The following SIGLEC1 variants were observed in gnomAD, a reference collection of about 807,000 sequenced individuals.
SIGLEC1 encodes the protein sialic acid binding Ig like lectin 1, also known as sialoadhesin.
A neutral mutation model predicts 148.0 loss-of-function variants in SIGLEC1; 132 were observed. The ratio of observed to expected loss-of-function variants is 0.89; its 90% confidence interval spans 0.77 to 1.03. SIGLEC1 has a LOEUF of 1.03. SIGLEC1 is among the 50% of genes least tolerant of loss of function. SIGLEC1 has a pLI of 0.00. For synonymous variants in SIGLEC1, 945 were observed against 969.0 expected, an observed-to-expected ratio of 0.98 and a Z score of 0.46; for missense variants, 2,253 against 2,271.4, an observed-to-expected ratio of 0.99 and a Z score of 0.16.
rs746020111 is a variant in SIGLEC1, at chr20:3,704,048, C to T, written c.750G>A (p.Arg250=). The T allele has an allele frequency of 1.2e-6, 2 of 1,613,622 alleles. No homozygotes were observed. Among genetic ancestry groups the T allele is most frequent in the Non-Finnish European group, 1.7e-6 (2 of 1,179,854 alleles). Residue 250 remains arginine (R), a synonymous_variant, in exon 5 of 22, where the codon AGG becomes AGA. Transcript: ENST00000344754. ...GVKILLSPSG[R]NILPGELVTL... ...TGACCAGCTCACCTGGAAGGATGTT[C>T]CTCCCCGAGGGGCTGAGGAGGATCT...
At chr20:3,695,029 G>A in intron 11 of SIGLEC1, 106 bp from the exon 12 acceptor site, 1 of 1,235,356 alleles carries the variant, frequency 8.1e-7, no homozygotes, top group Non-Finnish European at 1.1e-6. Context: ...CCCATGTGCT[G>A]GAGCCGCAGC....
In SIGLEC1 at chr20:3,706,435, G is replaced by C. The variant is rs903593896; in HGVS notation, c.321C>G (p.Pro107=). 1.9e-6 allele frequency: 3 copies of C among 1,614,132 alleles called. No homozygotes were observed. Among genetic ancestry groups the C allele is most frequent in the East Asian group, 2.2e-5 (1 of 44,876 alleles). Residue 107 remains proline, a synonymous_variant, in exon 3 of 22, where the codon CCC becomes CCG. Transcript: ENST00000344754. ...VCNLLLKDLQ[P]EDSGSYNFRF... is the part of the protein sequence containing the mutation. The stretch of plus-strand genomic sequence containing the variant: ...GGAAGTTGTAGGAACCAGAGTCCTC[G>C]GGCTGCAGGTCCTTCAGCAGCAGGT...
rs771262924 is a variant in SIGLEC1, at chr20:3,698,109, G to C, written c.1811C>G (p.Thr604Ser). 2 of 1,601,626 alleles carry C rather than the reference G, an allele frequency of 1.2e-6. No individual in the cohort carries two copies. ...AGCGGCATCAAGGTCCAGCCTGGTGGTGAATGTTGGTTGTCGAGGGGGGTC... is the reference window on the plus strand; with the variant it reads ...AGCGGCATCAAGGTCCAGCCTGGTGCTGAATGTTGGTTGTCGAGGGGGGTC... ...VLYPPRQPTF[T>S]TRLDLDAAGA... The change falls in exon 9 of 22, where the codon ACC (threonine) becomes AGC (serine). Residue 604 changes from threonine to serine, a missense_variant. Physicochemically the swap from Thr to Ser is moderately conservative, Grantham distance 58 (BLOSUM62 1). Coordinates refer to ENST00000344754, the MANE Select transcript of SIGLEC1 (RefSeq NM_023068.4).
At position 3,694,174 on chromosome 20, in the gene SIGLEC1, G is replaced by GACACACAC. The variant is rs59383643; in HGVS notation, c.3256+39_3256+46dup. 7.9e-3 allele frequency: 9,185 copies of GACACACAC among 1,164,088 alleles called. 63 individuals carry two copies. Among genetic ancestry groups the GACACACAC allele is most frequent in the African/African-American group, 0.025 (1,601 of 65,016 alleles). The allele number at this position is 1,164,088 out of a possible 1,614,324, so 72.1% of individuals were successfully genotyped here. On this transcript the variant is annotated intron_variant, in intron 13 of 21. Coordinates refer to ENST00000344754, the MANE Select transcript of SIGLEC1 (RefSeq NM_023068.4). ...TCCCACCTCCTCTCCTCTTTTAAAG[G>GACACACAC]ACACACACACACACACACACACACA...
intron 11 of SIGLEC1, 26 bp downstream of exon 11, chr20:3,696,560 C>T (rs1482901546): frequency 6.3e-7 from 1 of 1,578,980 alleles, no homozygotes; most frequent in African/African-American, 1.3e-5. Flanking sequence ...CAGAGTCTAC[C>T]ATATCTTCAG....
intron 20 of SIGLEC1, 78 bp from the exon 21 acceptor site, chr20:3,689,305 G>T (rs2088731137): frequency 7.9e-6 from 10 of 1,270,988 alleles, no homozygotes; most frequent in Admixed American, 3.4e-5. Flanking sequence ...CTCCCCACAG[G>T]CTGGCTCCAG....
In SIGLEC1 at chr20:3,694,220, C is replaced by T. The variant is rs2088797053; in HGVS notation, c.3256+1G>A. On this transcript the variant is annotated splice_donor_variant, in intron 13 of 21. Coordinates refer to ENST00000344754, the MANE Select transcript of SIGLEC1 (RefSeq NM_023068.4). LOFTEE classifies it high-confidence loss of function. ...ACACACACACACACACACACACTGA[C>T]CTTGAGCGTCGAAGTCAGCTGAGGC... 1.2e-6 allele frequency: 2 copies of T among 1,600,354 alleles called. No homozygotes were observed. The highest frequency in any genetic ancestry group is 2.7e-5 in the African/African-American group (2 of 74,260).
At chr20:3,709,322 A>T (rs1014974460) in intron 1 of SIGLEC1, among the ~76,000 whole-genome samples, 9 of 152,258 alleles carry the variant, frequency 5.9e-5, no homozygotes, top group African/African-American at 2.2e-4. Context: ...GATGCTCAAC[A>T]TCACTAGGCA....
intron 11 of SIGLEC1, 57 bp downstream of exon 11, chr20:3,696,529 C>T (rs1555848083): frequency 1.3e-6 from 2 of 1,499,756 alleles, no homozygotes. Flanking sequence ...CAAAGTCTGA[C>T]CAGAGTAGTC....
chr20:3,707,219 A>C lies in SIGLEC1; in HGVS notation c.-91T>G. On this transcript the variant is annotated 5_prime_UTR_variant, in exon 2 of 22. Transcript: ENST00000344754. ...GGGGCCTCCAGGGACACCTCTGGGCACTTTAGCCCCAGCACCTGCTAGAAG... is the reference window on the plus strand; with the variant it reads ...GGGGCCTCCAGGGACACCTCTGGGCCCTTTAGCCCCAGCACCTGCTAGAAG... 1 of 1,177,548 alleles carries C rather than the reference A, an allele frequency of 8.5e-7. No homozygotes were observed. Among genetic ancestry groups the C allele is most frequent in the Non-Finnish European group, 1.3e-6 (1 of 798,176 alleles). 72.9% of individuals were successfully genotyped at this position (1,177,548 alleles called of 1,614,324 possible).
rs61734523 is a variant in SIGLEC1 at position 3,692,690 on chromosome 20, G to A, written c.3861C>T (p.His1287=). The part of the protein sequence containing the change: ...ITVTCADPAA[H]APTLYTWYHN... ...GGTACCAAGTATAGAGTGTGGGTGC[G>A]TGGGCAGCAGGGTCCGCACAGGTCA... Residue 1287 remains histidine (H), a synonymous_variant, in exon 16 of 22, where the codon CAC becomes CAT. Transcript: ENST00000344754. 656 of 1,613,050 alleles carry A rather than the reference G, an allele frequency of 4.1e-4. No individual in the cohort carries two copies. The African/African-American group carries it at 6.5e-3, about 16-fold the overall frequency.
At chr20:3,690,770 G>A (rs574601792) in intron 18 of SIGLEC1, among the ~76,000 whole-genome samples, 3 of 151,990 alleles carry the variant, frequency 2.0e-5, no homozygotes, top group Non-Finnish European at 4.4e-5. Flanking sequence ...AGGGCTTATC[G>A]TGTGCCAGAC....
Position 3,694,275 on chromosome 20 carries a change from C to T in SIGLEC1, c.3202G>A (p.Glu1068Lys), listed in dbSNP as rs768637080. Residue 1068 changes from glutamate to lysine, a missense_variant, in exon 13 of 22, where the codon GAG becomes AAG. Physicochemically the swap from Glu to Lys is moderately conservative, Grantham distance 56 (BLOSUM62 1). Coordinates refer to ENST00000344754, the MANE Select transcript of SIGLEC1 (RefSeq NM_023068.4). ...GCCTGGCCCAGGGTGTTGGAGGCCT[C>T]ACAGATATAGACACCCTCATCCTCC... Reference protein sequence around the residue: ...MLEDEGVYICEASNTLGQASA... With the variant: ...MLEDEGVYICKASNTLGQASA... 6.2e-7 allele frequency: 1 copy of T among 1,612,964 alleles called. No individual in the cohort carries two copies. Among genetic ancestry groups the T allele is most frequent in the Non-Finnish European group, 8.5e-7 (1 of 1,179,998 alleles).
rs1430257931 is a variant in SIGLEC1 at position 3,690,255 on chromosome 20, T to C, written c.4601A>G (p.Lys1534Arg). The C allele has an allele frequency of 2.6e-6, 4 of 1,545,184 alleles. No homozygotes were observed. The South Asian group carries it at 4.8e-5, about 18-fold the overall frequency. Reference sequence around the variant, plus strand: ...CACGAAGACCATCATGGTGGGCGTCTTGGGAGGGTCTGTGGGGAGGAAGGG... The same window carrying C: ...CACGAAGACCATCATGGTGGGCGTCCTGGGAGGGTCTGTGGGGAGGAAGGG... Reference protein sequence around the residue: ...PVMLRVLYPPKTPTMMVFVEP... With the variant: ...PVMLRVLYPPRTPTMMVFVEP... The change falls in exon 19 of 22, where the codon AAG (lysine) becomes AGG (arginine). Residue 1534 changes from lysine (K) to arginine (R), a missense_variant. Physicochemically the swap from Lys to Arg is conservative, Grantham distance 26. Transcript: ENST00000344754.
At chr20:3,701,058 C>G (rs1051527360) in intron 7 of SIGLEC1, among the ~76,000 whole-genome samples, 1 of 152,162 alleles carries the variant, frequency 6.6e-6, no homozygotes, top group Admixed American at 6.5e-5. Context: ...GAGCCTGCTC[C>G]CAGAGTTTCA....
In SIGLEC1 at chr20:3,707,237, G is replaced by T; in HGVS notation, c.-109C>A. On this transcript the variant is annotated splice_region_variant and 5_prime_UTR_variant, in exon 2 of 22. Transcript: ENST00000344754. Reference sequence around the variant, plus strand: ...TCTGGGCACTTTAGCCCCAGCACCTGCTAGAAGTCCGAGCCTGTGTCCCCA... The same window carrying T: ...TCTGGGCACTTTAGCCCCAGCACCTTCTAGAAGTCCGAGCCTGTGTCCCCA... 1 of 936,558 alleles carries T rather than the reference G, an allele frequency of 1.1e-6. No individual in the cohort carries two copies. The allele number at this position is 936,558 out of a possible 1,614,324, so 58.0% of individuals were successfully genotyped here. A position where few individuals can be genotyped will look rare whatever the true frequency, so the allele number is the denominator to read the frequency against.
chr20:3,689,816 T>G, intron 19 of SIGLEC1, 114 bp from the exon 20 acceptor site: 1 of 1,190,346 alleles, frequency 8.4e-7, no homozygotes. Context: ...GCTGAAGCTC[T>G]CCACACAAGG....
chr20:3,697,787 GC>G lies in SIGLEC1; in HGVS notation c.2122+10del, dbSNP rs1339472507. ...CCTGCCCCCAGGCCACCCATTCCCTGCCTGACTCACCCTGGCCATTGAAGGT... is the reference window on the plus strand; with the variant it reads ...CCTGCCCCCAGGCCACCCATTCCCTGCTGACTCACCCTGGCCATTGAAGGT... On this transcript the variant is annotated intron_variant, in intron 9 of 21. Coordinates refer to ENST00000344754, the MANE Select transcript of SIGLEC1 (RefSeq NM_023068.4). 6.2e-7 allele frequency: 1 copy of G among 1,611,496 alleles called. No individual in the cohort carries two copies. Among genetic ancestry groups the G allele is most frequent in the African/African-American group, 1.3e-5 (1 of 74,888 alleles).
chr20:3,700,635 G>A (rs566627375), intron 7 of SIGLEC1, among the ~76,000 whole-genome samples: 2 of 151,892 alleles, frequency 1.3e-5, no homozygotes, highest in East Asian at 1.9e-4. Flanking sequence ...ATGCCCTCAG[G>A]AGGAGGGAAG....
Sources: gnomAD v4.1 joint callset for allele counts (sites outside exome capture counted in the v4.1 genomes callset) on GRCh38, gnomAD v4.1.1 for gene constraint, MANE v1.5 for transcripts, NCBI Gene and HGNC (gene_info 2026-07-23, HGNC 2026-07-21) for gene names.